The following ANK3 variants were observed in gnomAD, a reference collection of about 807,000 sequenced individuals.
ANK3 encodes ankyrin 3, also known as ankyrin-3.
ANK3 carries 57 observed loss-of-function variants against 370.9 expected under a neutral mutation model. The ratio of observed to expected loss-of-function variants is 0.15; its 90% CI spans 0.12 to 0.19. The LOEUF is 0.19. Ranked by LOEUF, ANK3 falls within the 10% of genes least tolerant of loss-of-function variation. The pLI, the probability that ANK3 is intolerant of heterozygous loss-of-function variation, is 1.00. For missense variants in ANK3, 4,439 were observed against 5,302.1 expected (o/e 0.84, Z 5.06); for synonymous variants, 1,929 against 1,946.3 (o/e 0.99, Z 0.23).
intron 28 of ANK3, among the ~76,000 whole-genome samples, chr10:60,093,363 G>A (rs1003268279): frequency 1.3e-5 from 2 of 152,158 alleles, no homozygotes; most frequent in Non-Finnish European, 2.9e-5. Flanking sequence ...ACTCCTTATG[G>A]TGCTAGCAAT....
intron 1 of ANK3, among the ~76,000 whole-genome samples, chr10:60,310,499 T>A (rs2046119595): frequency 6.6e-6 from 1 of 152,172 alleles, no homozygotes; most frequent in Non-Finnish European, 1.5e-5. Context: ...TGGACAAAAT[T>A]ATGCATGATT....
At chr10:60,528,831 T>C (rs952588847) in intron 2 of ANK3, among the ~76,000 whole-genome samples, 4 of 152,058 alleles carry the variant, frequency 2.6e-5, no homozygotes, top group East Asian at 3.9e-4. Flanking sequence ...GGGACAAAAA[T>C]CATCTCCTGT....
At chr10:60,621,744 G>T (rs976115401) in intron 1 of ANK3, among the ~76,000 whole-genome samples, 1 of 151,850 alleles carries the variant, frequency 6.6e-6, no homozygotes, top group Non-Finnish European at 1.5e-5. Context: ...GATGATATTC[G>T]AGCAATATAA....
chr10:60,251,488 C>A (rs1481616233), intron 7 of ANK3, among the ~76,000 whole-genome samples: 1 of 152,138 alleles, frequency 6.6e-6, no homozygotes, highest in East Asian at 1.9e-4. Context: ...ATTGAAGGAG[C>A]CTAAGCCATC....
At chr10:60,140,913 A>G in intron 23 of ANK3, 4 of 985,834 alleles carry the variant, frequency 4.1e-6, no homozygotes, top group Non-Finnish European at 4.8e-6. Flanking sequence ...GAATGAAGAA[A>G]CAGCCAACCC....
At chr10:60,201,212 G>A (rs2096668489) in intron 12 of ANK3, among the ~76,000 whole-genome samples, 2 of 152,118 alleles carry the variant, frequency 1.3e-5, no homozygotes, top group South Asian at 2.1e-4. Flanking sequence ...TTCCCTTTAC[G>A]AATGAAAACA....
At chr10:60,295,237 A>G (rs972802871) in intron 1 of ANK3, among the ~76,000 whole-genome samples, 2 of 152,176 alleles carry the variant, frequency 1.3e-5, no homozygotes, top group African/African-American at 2.4e-5. Context: ...CAGGATGCCT[A>G]AGTTCACAAC....
chr10:60,584,867 C>A (rs537071947), intron 2 of ANK3, among the ~76,000 whole-genome samples: 33 of 152,082 alleles, frequency 2.2e-4, no homozygotes, highest in African/African-American at 8.0e-4. Flanking sequence ...GTGCCAGAGC[C>A]AAGCAAAGGG....
At chr10:60,497,295 A>G (rs1444683576) in intron 2 of ANK3, among the ~76,000 whole-genome samples, 1 of 152,210 alleles carries the variant, frequency 6.6e-6, no homozygotes, top group Non-Finnish European at 1.5e-5. Flanking sequence ...CTTTAAAAAA[A>G]GAAAAAAATG....
chr10:60,217,587 T>C (rs780502877), intron 8 of ANK3, among the ~76,000 whole-genome samples: 2 of 152,218 alleles, frequency 1.3e-5, no homozygotes, highest in Non-Finnish European at 2.9e-5. Context: ...AGTTTCTTAA[T>C]CCTGAGTTCT....
chr10:60,707,905 A>G (rs1002074433), intron 1 of ANK3, among the ~76,000 whole-genome samples: 3 of 152,152 alleles, frequency 2.0e-5, no homozygotes, highest in Non-Finnish European at 4.4e-5. Flanking sequence ...TTATTCAACA[A>G]AAAGGAAAAA....
At chr10:60,053,752 G>T in intron 42 of ANK3, 1 of 1,303,344 alleles carries the variant, frequency 7.7e-7, no homozygotes, top group Non-Finnish European at 1.0e-6. Context: ...GATAAAAAGG[G>T]GGCTGTTTTC....
chr10:60,393,592 T>G (rs1231837359), upstream of ANK3, among the ~76,000 whole-genome samples: 3 of 152,190 alleles, frequency 2.0e-5, no homozygotes, highest in African/African-American at 7.2e-5. Context: ...AATCAGTTCA[T>G]TAGGATGCCT....
rs2094459824 is a variant in ANK3, at chr10:60,138,977, C to T, written c.2725G>A (p.Ala909Thr). 6.2e-7 allele frequency: 1 copy of T among 1,613,820 alleles called. No homozygotes were observed. Among genetic ancestry groups the T allele is most frequent in the Admixed American group, 1.7e-5 (1 of 59,958 alleles). Residue 909 changes from alanine to threonine, a missense_variant, in exon 24 of 44, where the codon GCG becomes ACG. Physicochemically the swap from Ala to Thr is moderately conservative, Grantham distance 58. Around this residue, in one of 13 missense-constraint regions of ANK3, gnomAD observed 702 missense variants for 941.5 expected, o/e 0.75. Coordinates refer to ENST00000280772, the MANE Select transcript of ANK3 (RefSeq NM_020987.5). ...ACAACGAAGTACCTGGCAGAACGCG[C>T]TCCGAGACTAAAGCCCATGTAACCC... is the stretch of plus-strand genomic sequence containing the variant. ...AEGYMGFSLGARSASLRSFSS... is the reference protein window; with the variant it reads ...AEGYMGFSLGTRSASLRSFSS...
Position 60,382,788 on chromosome 10 carries a change from T to C in ANK3, c.114+6637A>G, listed in dbSNP as rs114463998. On this transcript the variant is annotated intron_variant, in intron 1 of 43. Transcript: ENST00000280772. ...ATATTCTCCTTCGATATTTAACCTATACCTAAATCTATATATATATATATA... is the reference window on the plus strand; with the variant it reads ...ATATTCTCCTTCGATATTTAACCTACACCTAAATCTATATATATATATATA... Among the ~76,000 whole-genome samples the C allele has an allele frequency of 8.4e-3, 788 of 93,822 alleles. 4 individuals are homozygous for C. The highest frequency in any genetic ancestry group is 0.021 in the South Asian group (46 of 2,240). The allele number at this position is 93,822 out of a possible 152,430, so 61.6% of individuals were successfully genotyped here.
intron 23 of ANK3, among the ~76,000 whole-genome samples, chr10:60,146,248 T>C (rs2094817334): frequency 6.6e-6 from 1 of 152,102 alleles, no homozygotes; most frequent in South Asian, 2.1e-4. Flanking sequence ...CTTTAAGAGA[T>C]GGAACAGAAA....
chr10:60,494,330 C>T (rs12763531), intron 2 of ANK3, among the ~76,000 whole-genome samples: 28,671 of 152,066 alleles, frequency 0.19, 3,459 homozygotes, highest in Middle Eastern at 0.34. Context: ...AGAGAATAAA[C>T]TTCAATATGG....
upstream of ANK3, among the ~76,000 whole-genome samples, chr10:60,393,422 G>C (rs977011242): frequency 9.2e-5 from 14 of 152,136 alleles, no homozygotes; most frequent in Admixed American, 2.6e-4. Flanking sequence ...GTTTCATGTA[G>C]AGTGCTTCCC....
At chr10:60,103,202 G>A (rs562546683) in intron 28 of ANK3, among the ~76,000 whole-genome samples, 4 of 152,052 alleles carry the variant, frequency 2.6e-5, no homozygotes, top group East Asian at 1.9e-4. Context: ...CACTTGCCTC[G>A]GCCTCCCAAA....
Sources: allele counts gnomAD v4.1 joint callset (sites outside exome capture counted in the v4.1 genomes callset), GRCh38; gene constraint gnomAD v4.1.1; regional missense constraint gnomAD v4.1.1; transcripts MANE v1.5; gene names NCBI Gene and HGNC (gene_info 2026-07-23, HGNC 2026-07-21).